The following RYR1 variants were observed in gnomAD, a reference collection of about 807,000 sequenced individuals.
RYR1 encodes ryanodine receptor 1, also known as central core disease of muscle.
A neutral mutation model predicts 583.5 loss-of-function variants in RYR1; 342 were observed. The observed-to-expected ratio is 0.59, with a 90% confidence interval of 0.54 to 0.64. The LOEUF is 0.64. Among genes scored for constraint, RYR1 ranks in the 30% least tolerant of loss-of-function variants. The probability of loss-of-function intolerance (pLI) is 0.00; values close to 1 mark genes in which losing one functional copy is unlikely to be tolerated. For synonymous variants in RYR1, 2,791 were observed against 2,822.5 expected (o/e 0.99, Z 0.35); for missense variants, 6,032 against 6,917.2 (o/e 0.87, Z 4.54).
Position 38,466,009 on chromosome 19 carries a change from C to T in RYR1, c.2871-82C>T, listed in dbSNP as rs936338386. ...GAAACGCCGAAGCTGGGACAAGGGTCAGCAGTCAGGGATCCCATATAGTGC... is the reference window on the plus strand; with the variant it reads ...GAAACGCCGAAGCTGGGACAAGGGTTAGCAGTCAGGGATCCCATATAGTGC... On this transcript the variant is annotated intron_variant, in intron 23 of 105. Transcript: ENST00000359596. 1.1e-5 allele frequency: 14 copies of T among 1,325,224 alleles called. No individual in the cohort carries two copies. In the African/African-American group the frequency reaches 1.3e-4, roughly 12 times the overall value. The allele number at this position is 1,325,224 out of a possible 1,614,324, so 82.1% of individuals were successfully genotyped here. A position where few individuals can be genotyped will look rare whatever the true frequency, so the allele number is the denominator to read the frequency against.
rs1568557332 is a variant in RYR1 at position 38,543,184 on chromosome 19, C to T, written c.11690-163C>T. On this transcript the variant is annotated intron_variant, in intron 84 of 105. Transcript: ENST00000359596. The surrounding 1 kb of genome is among the most constrained non-coding windows in gnomAD (Gnocchi z 4.4). ...AATGATCATCCATCTTTCTCTGTCA[C>T]ATAGTAAGTACTTGATAGTTATTAA... 1.3e-5 allele frequency among the ~76,000 whole-genome samples: 2 copies of T among 152,172 alleles called. No homozygotes were observed. Among genetic ancestry groups the T allele is most frequent in the Non-Finnish European group, 2.9e-5 (2 of 68,038 alleles).
At chr19:38,497,128 A>G (rs1359828242) in intron 42 of RYR1, among the ~76,000 whole-genome samples, 174 bp downstream of exon 42, 3 of 152,162 alleles carry the variant, frequency 2.0e-5, no homozygotes, top group African/African-American at 4.8e-5. Flanking sequence ...TTGTTCATTC[A>G]TGGGATGCTT....
chr19:38,463,504 G>C lies in RYR1; in HGVS notation c.2659G>C (p.Glu887Gln). The C allele has an allele frequency of 1.2e-6, 2 of 1,612,988 alleles. No individual in the cohort carries two copies. The highest frequency in any genetic ancestry group is 1.7e-6 in the Non-Finnish European group (2 of 1,179,984). The change falls in exon 21 of 106, where the codon GAG becomes CAG. Residue 887 changes from glutamate to glutamine, a missense_variant. Physicochemically the swap from Glu to Gln is conservative, Grantham distance 29. Around this residue, in one of 11 missense-constraint regions of RYR1, gnomAD observed 2,627 missense variants for 2,961.3 expected, o/e 0.89. Transcript: ENST00000359596. ...IHELWALTRIEQGWTYGPVRD... is the reference protein window; with the variant it reads ...IHELWALTRIQQGWTYGPVRD... ...CGAGCTCTGGGCGCTAACCCGCATC[G>C]AGCAGGGCTGGACCTACGGCCCGGT...
chr19:38,536,261 C>A (rs1264988836), intron 82 of RYR1, among the ~76,000 whole-genome samples, 191 bp downstream of exon 82: 3 of 128,440 alleles, frequency 2.3e-5, no homozygotes, highest in Non-Finnish European at 3.2e-5. Flanking sequence ...TCTCCCTCCC[C>A]ATGTCCACCA....
intron 84 of RYR1, among the ~76,000 whole-genome samples, chr19:38,538,961 C>T (rs182378542): frequency 5.3e-5 from 8 of 152,270 alleles, no homozygotes; most frequent in Admixed American, 3.9e-4. Flanking sequence ...GTGGTTATAA[C>T]CTTTAGCAGG....
At chr19:38,547,126 G>T (rs1303780836) in intron 88 of RYR1, among the ~76,000 whole-genome samples, 1 of 149,036 alleles carries the variant, frequency 6.7e-6, no homozygotes, top group African/African-American at 2.5e-5. Flanking sequence ...TGCAAGCTCC[G>T]CCTCCCAGGT....
chr19:38,573,135 A>G (rs1858916249), intron 95 of RYR1, 42 bp from the exon 96 acceptor site: 2 of 1,611,518 alleles, frequency 1.2e-6, no homozygotes, highest in Non-Finnish European at 8.5e-7. Context: ...TGGTCCAGCC[A>G]AGGTGCCTGA....
intron 42 of RYR1, 130 bp downstream of exon 42, chr19:38,497,084 G>T: frequency 1.3e-6 from 1 of 754,276 alleles, no homozygotes; most frequent in Middle Eastern, 3.5e-4. Context: ...CCAACCAGAA[G>T]GAGACTAATT....
chr19:38,518,106 G>A (rs1047167129), intron 66 of RYR1, among the ~76,000 whole-genome samples: 1 of 151,932 alleles, frequency 6.6e-6, no homozygotes, highest in Non-Finnish European at 1.5e-5. Context: ...GTGACAGAGT[G>A]AGATACTCTC....
chr19:38,453,038 C>T (rs1436163959), intron 13 of RYR1, 24 bp downstream of exon 13: 2 of 1,530,266 alleles, frequency 1.3e-6, no homozygotes, highest in Non-Finnish European at 1.8e-6. Flanking sequence ...GAGGGCGGAG[C>T]GGGGCCTGTG....
rs747080249 is a variant in RYR1, at chr19:38,496,318, G to A, written c.6652G>A (p.Gly2218Ser). The change falls in exon 40 of 106, where the codon GGC becomes AGC. Residue 2218 changes from glycine (G) to serine (S), a missense_variant. Coordinates refer to ENST00000359596, the MANE Select transcript of RYR1 (RefSeq NM_000540.3). This position sits in a 1 kb window ranked among gnomAD's most constrained non-coding sequence, Gnocchi z 4.8. Reference protein sequence around the residue: ...MEVMVNVLGGGESKEIRFPKM... With the variant: ...MEVMVNVLGGSESKEIRFPKM... ...GGTCATGGTCAACGTCCTCGGGGGC[G>A]GCGAGTCCAAGGTGAGGGCCCAGGC... is the stretch of plus-strand genomic sequence containing the variant. The A allele has an allele frequency of 9.3e-6, 15 of 1,613,854 alleles. No individual in the cohort carries two copies. The highest frequency in any genetic ancestry group is 1.3e-5 in the African/African-American group (1 of 74,930).
At position 38,496,343 on chromosome 19, in the gene RYR1, C is replaced by A; in HGVS notation, c.6663+14C>A. 6.2e-7 allele frequency: 1 copy of A among 1,613,862 alleles called. No homozygotes were observed. ...GGCGAGTCCAAGGTGAGGGCCCAGGCAGGTGCTGGGGAGCTCAGGGGAGGC... is the reference window on the plus strand; with the variant it reads ...GGCGAGTCCAAGGTGAGGGCCCAGGAAGGTGCTGGGGAGCTCAGGGGAGGC... On this transcript the variant is annotated intron_variant, in intron 40 of 105. Coordinates refer to ENST00000359596, the MANE Select transcript of RYR1 (RefSeq NM_000540.3). This position sits in a 1 kb window ranked among gnomAD's most constrained non-coding sequence, Gnocchi z 4.8.
Position 38,500,082 on chromosome 19 carries a change from C to A in RYR1, c.7323+66C>A. ...GCACAGCCGCTTTGAACGCCTCATGCAGGCACTCGGTGACACGGAGTGAGC... is the reference window on the plus strand; with the variant it reads ...GCACAGCCGCTTTGAACGCCTCATGAAGGCACTCGGTGACACGGAGTGAGC... On this transcript the variant is annotated intron_variant, in intron 45 of 105. Transcript: ENST00000359596. The surrounding 1 kb of genome is among the most constrained non-coding windows in gnomAD (Gnocchi z 5.9). The A allele has an allele frequency of 7.2e-7, 1 of 1,397,816 alleles. No individual in the cohort carries two copies. The highest frequency in any genetic ancestry group is 1.0e-6 in the Non-Finnish European group (1 of 990,454). The allele number at this position is 1,397,816 out of a possible 1,614,324, so 86.6% of individuals were successfully genotyped here. A position where few individuals can be genotyped will look rare whatever the true frequency, so the allele number is the denominator to read the frequency against.
intron 67 of RYR1, among the ~76,000 whole-genome samples, chr19:38,520,418 G>A (rs1459607588): frequency 6.6e-6 from 1 of 150,898 alleles, no homozygotes; most frequent in Non-Finnish European, 1.5e-5. Flanking sequence ...ATATAGGCCG[G>A]GTGTGGTGGC....
intron 91 of RYR1, 122 bp from the exon 92 acceptor site, chr19:38,566,789 G>C: frequency 1.3e-6 from 2 of 1,519,424 alleles, no homozygotes; most frequent in African/African-American, 2.8e-5. Context: ...TTCTGGTGGA[G>C]GGAAGTGTAA....
chr19:38,458,378 A>T, intron 18 of RYR1, 86 bp downstream of exon 18: 1 of 1,404,752 alleles, frequency 7.1e-7, no homozygotes, highest in Non-Finnish European at 1.0e-6. Flanking sequence ...TGGGGTTCTC[A>T]GGATCCTGAC....
rs546750776 is a variant in RYR1 at position 38,444,564 on chromosome 19, C to T, written c.538-20C>T. On this transcript the variant is annotated intron_variant, in intron 6 of 105. Transcript: ENST00000359596. This position sits in a 1 kb window ranked among gnomAD's most constrained non-coding sequence, Gnocchi z 5.1. ...CACCCCTGCAATCGTCTCTGACTGCCGCATCCTGGTGGCCCCCAGCACCTG... is the reference window on the plus strand; with the variant it reads ...CACCCCTGCAATCGTCTCTGACTGCTGCATCCTGGTGGCCCCCAGCACCTG... 109 of 1,608,684 alleles carry T rather than the reference C, an allele frequency of 6.8e-5. 1 individual carries two copies. Among genetic ancestry groups the T allele is most frequent in the South Asian group, 1.8e-4 (16 of 90,524 alleles).
chr19:38,469,230 C>A (rs2060255051), intron 26 of RYR1, 75 bp from the exon 27 acceptor site: 1 of 1,605,174 alleles, frequency 6.2e-7, no homozygotes, highest in Non-Finnish European at 8.5e-7. Context: ...ACTCTCCCAT[C>A]CCTACCTCCT....
intron 11 of RYR1, among the ~76,000 whole-genome samples, chr19:38,450,484 A>AG (rs1457654449): frequency 2.0e-5 from 3 of 152,132 alleles, no homozygotes; most frequent in Admixed American, 6.6e-5. Context: ...TGAGGTTAAG[A>AG]GGGGACATTT....
Sources: allele counts gnomAD v4.1 joint callset (sites outside exome capture counted in the v4.1 genomes callset), GRCh38; gene constraint gnomAD v4.1.1; regional missense constraint gnomAD v4.1.1; non-coding constraint Gnocchi (gnomAD v3.1); transcripts MANE v1.5; gene names NCBI Gene and HGNC (gene_info 2026-07-23, HGNC 2026-07-21).